INPP4B: variants seen among roughly 807,000 people sequenced by gnomAD.
INPP4B encodes the protein inositol polyphosphate 4-phosphatase type II.
A neutral mutation model predicts 122.5 loss-of-function variants in INPP4B; 55 were observed. The ratio of observed to expected loss-of-function variants is 0.45; its 90% CI spans 0.36 to 0.56. INPP4B has a LOEUF of 0.56. INPP4B is among the 20% of genes least tolerant of loss of function. The pLI, the probability that INPP4B is intolerant of heterozygous loss-of-function variation, is 0.00. For missense variants in INPP4B, 1,000 were observed against 1,097.7 expected, an observed-to-expected ratio of 0.91 and a Z score of 1.26; for synonymous variants, 403 against 388.7, an observed-to-expected ratio of 1.04 and a Z score of -0.43.
At chr4:142,424,173 T>A (rs1173851373) in intron 5 of INPP4B, among the ~76,000 whole-genome samples, 1 of 152,000 alleles carries the variant, frequency 6.6e-6, no homozygotes, top group Non-Finnish European at 1.5e-5. Flanking sequence ...CCTCAGTGAC[T>A]ACGCTTTCTC....
chr4:142,127,918 T>C (rs1025300236), intron 18 of INPP4B, among the ~76,000 whole-genome samples: 1 of 152,108 alleles, frequency 6.6e-6, no homozygotes, highest in African/African-American at 2.4e-5. Context: ...ATAAACACAG[T>C]GGCTACGACA....
chr4:142,447,329 T>A (rs1813131601), intron 3 of INPP4B, among the ~76,000 whole-genome samples: 1 of 152,168 alleles, frequency 6.6e-6, no homozygotes, highest in Non-Finnish European at 1.5e-5. Flanking sequence ...TGCCTGCTAC[T>A]GCAGTGAGAA....
At chr4:142,170,449 T>G (rs1482690677) in intron 16 of INPP4B, among the ~76,000 whole-genome samples, 1 of 151,656 alleles carries the variant, frequency 6.6e-6, no homozygotes, top group African/African-American at 2.4e-5. Flanking sequence ...AGCATCCATA[T>G]AGCAATCTGA....
At chr4:142,164,271 T>C (rs1821594105) in intron 16 of INPP4B, among the ~76,000 whole-genome samples, 1 of 151,864 alleles carries the variant, frequency 6.6e-6, no homozygotes, top group Non-Finnish European at 1.5e-5. Context: ...CTACTCTTTT[T>C]CACTAGAGAT....
chr4:142,269,298 C>G (rs199717959), intron 10 of INPP4B, among the ~76,000 whole-genome samples: 3 of 51,482 alleles, frequency 5.8e-5, no homozygotes, highest in African/African-American at 1.5e-4. Context: ...ACCCTCCCCC[C>G]TCTTTTTTCC....
chr4:142,328,065 T>G (rs1197203824), intron 7 of INPP4B, among the ~76,000 whole-genome samples: 1 of 152,314 alleles, frequency 6.6e-6, no homozygotes, highest in East Asian at 1.9e-4. Flanking sequence ...AAACAGGCAC[T>G]AGAACCACGC....
chr4:142,479,047 A>T (rs1820163481), intron 2 of INPP4B, among the ~76,000 whole-genome samples: 1 of 152,204 alleles, frequency 6.6e-6, no homozygotes, highest in South Asian at 2.1e-4. Flanking sequence ...AGAAGGGGAA[A>T]AAATATTTGG....
chr4:142,653,951 CA>C (rs773775002), intron 2 of INPP4B, among the ~76,000 whole-genome samples: 2 of 152,082 alleles, frequency 1.3e-5, no homozygotes, highest in African/African-American at 2.4e-5. Context: ...TTCACAATAG[CA>C]AAGACTTGGA....
At chr4:142,527,674 G>C (rs368113025) in intron 2 of INPP4B, among the ~76,000 whole-genome samples, 9 of 152,070 alleles carry the variant, frequency 5.9e-5, no homozygotes, top group African/African-American at 2.2e-4. Flanking sequence ...ACTAGGGATA[G>C]GAAATTAACA....
At chr4:142,119,939 A>G (rs1196574510) in intron 21 of INPP4B, among the ~76,000 whole-genome samples, 1 of 151,164 alleles carries the variant, frequency 6.6e-6, no homozygotes, top group Non-Finnish European at 1.5e-5. Flanking sequence ...CCTAAACCCA[A>G]CTTACAAATA....
At chr4:142,841,052 A>C (rs754056338) in intron 1 of INPP4B, among the ~76,000 whole-genome samples, 1 of 152,066 alleles carries the variant, frequency 6.6e-6, no homozygotes, top group Admixed American at 6.5e-5. Context: ...TTTAAAAAAA[A>C]GTGATTTTTA....
chr4:142,062,256 C>A (rs1212663215), intron 25 of INPP4B, among the ~76,000 whole-genome samples: 3 of 151,966 alleles, frequency 2.0e-5, no homozygotes, highest in African/African-American at 7.3e-5. Context: ...CACACTATTA[C>A]ACCACCACAT....
intron 9 of INPP4B, among the ~76,000 whole-genome samples, chr4:142,302,515 T>TAA (rs1561799388): frequency 6.6e-6 from 1 of 152,180 alleles, no homozygotes; most frequent in African/African-American, 2.4e-5. Context: ...TTACACAAAT[T>TAA]ACTTAACTGC....
chr4:142,743,560 A>G (rs1768212621), intron 1 of INPP4B, among the ~76,000 whole-genome samples: 1 of 151,876 alleles, frequency 6.6e-6, no homozygotes, highest in South Asian at 2.1e-4. Flanking sequence ...GTGACAGTGG[A>G]TATTGGAGTT....
chr4:142,077,824 T>G (rs17015430), intron 25 of INPP4B, among the ~76,000 whole-genome samples: 1 of 152,006 alleles, frequency 6.6e-6, no homozygotes, highest in South Asian at 2.1e-4. Context: ...GTTTATAGTC[T>G]TGTCATAATG....
At chr4:142,708,225 A>G (rs1243470619) in intron 2 of INPP4B, among the ~76,000 whole-genome samples, 6 of 152,128 alleles carry the variant, frequency 3.9e-5, no homozygotes, top group Non-Finnish European at 8.8e-5. Context: ...CTGAAACTGG[A>G]ACTTATTTTT....
At position 142,449,042 on chromosome 4, in the gene INPP4B, T is replaced by C. The variant is rs551172128; in HGVS notation, c.-127+13621A>G. On this transcript the variant is annotated intron_variant, in intron 3 of 25. Coordinates refer to ENST00000262992, the MANE Select transcript of INPP4B (RefSeq NM_001101669.3). ...GAAAACCAATCGCATCAGGAGACAA[T>C]TGAATTCTCCAGGATGTCAGTATGG... Among the ~76,000 whole-genome samples the C allele has an allele frequency of 5.3e-5, 8 of 152,220 alleles. No individual in the cohort carries two copies. In the East Asian group the frequency reaches 5.8e-4, roughly 11 times the overall value.
At chr4:142,785,653 G>T (rs79055570) in intron 1 of INPP4B, among the ~76,000 whole-genome samples, 1 of 151,754 alleles carries the variant, frequency 6.6e-6, no homozygotes, top group Non-Finnish European at 1.5e-5. Flanking sequence ...AAAAAGAACA[G>T]AATATCCAAG....
chr4:142,610,507 A>G (rs940959143), intron 2 of INPP4B, among the ~76,000 whole-genome samples: 3 of 152,176 alleles, frequency 2.0e-5, no homozygotes, highest in African/African-American at 7.2e-5. Flanking sequence ...TTAAGAGGAT[A>G]AATAAATAAG....
Sources: allele counts gnomAD v4.1 joint callset (sites outside exome capture counted in the v4.1 genomes callset), GRCh38; gene constraint gnomAD v4.1.1; transcripts MANE v1.5; gene names NCBI Gene and HGNC (gene_info 2026-07-23, HGNC 2026-07-21).